Variants in SIMC1 observed in about 807,000 individuals in gnomAD.
The protein encoded by SIMC1 is SUMO-interacting motif-containing protein 1.
A neutral mutation model predicts 82.3 loss-of-function variants in SIMC1; 55 were observed. That is an observed-to-expected ratio of 0.67 (90% CI 0.54 to 0.84). The LOEUF (loss-of-function observed/expected upper bound fraction) is 0.84. Ranked by LOEUF, SIMC1 falls within the 40% of genes least tolerant of loss-of-function variation. The pLI is 0.00. For missense variants in SIMC1, 915 were observed against 1,107.2 expected, an observed-to-expected ratio of 0.83 and a Z score of 2.46; for synonymous variants, 353 against 426.3, an observed-to-expected ratio of 0.83 and a Z score of 2.12.
intron 1 of SIMC1, among the ~76,000 whole-genome samples, chr5:176,276,985 A>C (rs1458868300): frequency 6.6e-6 from 1 of 150,924 alleles, no homozygotes; most frequent in African/African-American, 2.4e-5. Context: ...GCTGGGTCAA[A>C]TGGTATTTCC....
chr5:176,326,019 A>C (rs1320857917), intron 7 of SIMC1, among the ~76,000 whole-genome samples: 1 of 152,222 alleles, frequency 6.6e-6, no homozygotes, highest in Non-Finnish European at 1.5e-5. Flanking sequence ...TGACCCAGTA[A>C]TTTTAAAATC....
Position 176,336,795 on chromosome 5 carries a change from T to C in SIMC1, c.2247T>C (p.Cys749=). 1.2e-6 allele frequency: 2 copies of C among 1,613,988 alleles called. No homozygotes were observed. Among genetic ancestry groups the C allele is most frequent in the Non-Finnish European group, 8.5e-7 (1 of 1,179,894 alleles). Residue 749 remains cysteine (C), a synonymous_variant, in exon 8 of 10, where the codon TGT becomes TGC. Transcript: ENST00000429602. ...TAGAAATCATATTCCTCCACAGCTG[T>C]GAGACACCCACCCGCCTGCCTCTGT... ...KVLEIIFLHS[C]ETPTRLPLSL...
intron 1 of SIMC1, among the ~76,000 whole-genome samples, chr5:176,253,007 C>A (rs1458680819): frequency 6.6e-6 from 1 of 152,186 alleles, no homozygotes; most frequent in African/African-American, 2.4e-5. Context: ...AGGCGTGGCG[C>A]GCGCGCCTGC....
At chr5:176,257,340 G>A (rs1761880443) in intron 1 of SIMC1, among the ~76,000 whole-genome samples, 1 of 151,680 alleles carries the variant, frequency 6.6e-6, no homozygotes, top group African/African-American at 2.4e-5. Flanking sequence ...CAAAAGAAAT[G>A]CCTGAGACTG....
chr5:176,305,634 C>T (rs564684061), intron 4 of SIMC1, among the ~76,000 whole-genome samples: 3,098 of 130,738 alleles, frequency 0.024, 24 homozygotes, highest in Non-Finnish European at 0.037. Flanking sequence ...TGAGGGGCGC[C>T]TCTGCCCGGC....
chr5:176,257,711 C>T (rs56145408), intron 1 of SIMC1, among the ~76,000 whole-genome samples: 17,782 of 152,014 alleles, frequency 0.12, 1,098 homozygotes, highest in Admixed American at 0.15. Flanking sequence ...CTATTTTTCC[C>T]CCCAAAAAAA....
At chr5:176,272,646 G>T (rs115329137) in intron 1 of SIMC1, among the ~76,000 whole-genome samples, 3 of 152,112 alleles carry the variant, frequency 2.0e-5, no homozygotes, top group South Asian at 2.1e-4. Flanking sequence ...GCTTTGCCTC[G>T]CCTGAGAAGC....
At chr5:176,270,154 T>C (rs535342495) in intron 1 of SIMC1, 7 of 151,736 alleles carry the variant, frequency 4.6e-5, no homozygotes, top group Non-Finnish European at 5.9e-5. Flanking sequence ...TTTCCCAGGA[T>C]TGCAAGGTTA....
intron 1 of SIMC1, among the ~76,000 whole-genome samples, chr5:176,273,750 C>T (rs181295228): frequency 0.043 from 6,521 of 152,042 alleles, 195 homozygotes; most frequent in Non-Finnish European, 0.068. Context: ...TGAGAATATG[C>T]GGTGTTTGGT....
At chr5:176,298,305 G>C (rs1021588233) in intron 4 of SIMC1, among the ~76,000 whole-genome samples, 10 of 152,198 alleles carry the variant, frequency 6.6e-5, no homozygotes, top group African/African-American at 2.4e-4. Flanking sequence ...GCAATGTACT[G>C]ACTTGTCTGG....
chr5:176,282,829 A>G (rs1292272772), intron 1 of SIMC1, among the ~76,000 whole-genome samples: 4 of 152,218 alleles, frequency 2.6e-5, no homozygotes, highest in East Asian at 1.9e-4. Context: ...AAGTCCTTAA[A>G]TGACCTGATG....
At chr5:176,305,218 G>A (rs1236537595) in intron 4 of SIMC1, among the ~76,000 whole-genome samples, 14 of 51,278 alleles carry the variant, frequency 2.7e-4, no homozygotes, top group African/African-American at 9.1e-4. Flanking sequence ...CCGGCCAGCC[G>A]CCCCGTCTGG....
intron 1 of SIMC1, among the ~76,000 whole-genome samples, chr5:176,241,682 A>T (rs1052575022): frequency 6.6e-6 from 1 of 151,774 alleles, no homozygotes; most frequent in African/African-American, 2.4e-5. Flanking sequence ...TGTTGACTGG[A>T]AGCCTTACCA....
intron 1 of SIMC1, among the ~76,000 whole-genome samples, chr5:176,244,642 G>A (rs1333028920): frequency 6.6e-6 from 1 of 151,256 alleles, no homozygotes; most frequent in Non-Finnish European, 1.5e-5. Flanking sequence ...AACACATAGG[G>A]TATGTGTGCA....
At chr5:176,313,412 T>A (rs1038049147) in intron 4 of SIMC1, 2 of 1,546,154 alleles carry the variant, frequency 1.3e-6, no homozygotes, top group Non-Finnish European at 1.7e-6. Context: ...TAGAAAATTA[T>A]AATTATCTGC....
At chr5:176,337,462 T>C (rs570035198) in intron 9 of SIMC1, among the ~76,000 whole-genome samples, 1 of 152,144 alleles carries the variant, frequency 6.6e-6, no homozygotes, top group Admixed American at 6.5e-5. Flanking sequence ...GGCGTGGTGG[T>C]GTATGCCTGT....
At chr5:176,316,836 A>G (rs776801619) in intron 5 of SIMC1, among the ~76,000 whole-genome samples, 2 of 152,032 alleles carry the variant, frequency 1.3e-5, no homozygotes, top group Admixed American at 1.3e-4. Context: ...AAAAGTACAA[A>G]AACAGCCAGG....
Position 176,261,470 on chromosome 5 carries a change from C to T in SIMC1, c.129+22833C>T, listed in dbSNP as rs1206909668. 3.9e-5 allele frequency among the ~76,000 whole-genome samples: 6 copies of T among 152,208 alleles called. No individual in the cohort carries two copies. The South Asian group carries it at 8.3e-4, about 21-fold the overall frequency. ...ATAAAAGGTGTATGATGGCTGGGCA[C>T]GGTGGCTCACACCTGTATTCCCAGC... is the stretch of plus-strand genomic sequence containing the variant. On this transcript the variant is annotated intron_variant, in intron 1 of 9. Coordinates refer to ENST00000429602, the MANE Select transcript of SIMC1 (RefSeq NM_001308195.2).
At chr5:176,330,781 C>T (rs1365108110) in intron 7 of SIMC1, among the ~76,000 whole-genome samples, 1 of 152,064 alleles carries the variant, frequency 6.6e-6, no homozygotes, top group African/African-American at 2.4e-5. Context: ...AATATTCAGA[C>T]GTGAATGGAT....
Sources: allele counts gnomAD v4.1 joint callset (sites outside exome capture counted in the v4.1 genomes callset), GRCh38; gene constraint gnomAD v4.1.1; transcripts MANE v1.5; gene names NCBI Gene and HGNC (gene_info 2026-07-23, HGNC 2026-07-21).